The following CXorf38 variants were observed in gnomAD, a reference collection of about 807,000 sequenced individuals.
CXorf38 encodes uncharacterized protein CXorf38.
In CXorf38, 13 loss-of-function variants were observed where a neutral mutation model predicts 27.5. The observed-to-expected ratio is 0.47, with a 90% CI of 0.31 to 0.75. CXorf38 has a LOEUF of 0.75. Ranked by LOEUF, CXorf38 falls within the 30% of genes least tolerant of loss-of-function variation. CXorf38 has a pLI of 0.05. For synonymous variants in CXorf38, 100 were observed against 99.8 expected (o/e 1.00, Z -0.01); for missense variants, 240 against 253.2 (o/e 0.95, Z 0.35).
At chrX:40,632,675 GAAAGTACTAGAA>G (rs1350017630) in intron 5 of CXorf38, among the ~76,000 whole-genome samples, 1 of 111,284 alleles carries the variant, frequency 9.0e-6, no homozygotes, top group African/African-American at 3.3e-5. Flanking sequence ...TGGAAAAACT[GAAAGTACTAGAA>G]AAATTTGGAA....
At chrX:40,633,604 C>T (rs965448844) in intron 5 of CXorf38, among the ~76,000 whole-genome samples, 16 of 111,445 alleles carry the variant, frequency 1.4e-4, no homozygotes, top group African/African-American at 5.2e-4. Context: ...GCCTGGCACA[C>T]AGTAGGTGCT....
chrX:40,635,952 C>A (rs1326545771), intron 5 of CXorf38, among the ~76,000 whole-genome samples: 1 of 112,559 alleles, frequency 8.9e-6, no homozygotes, highest in Non-Finnish European at 1.9e-5. Flanking sequence ...CTGATCCTAT[C>A]TCCCTTTCTT....
intron 2 of CXorf38, among the ~76,000 whole-genome samples, chrX:40,645,101 G>A (rs1396984204): frequency 8.9e-6 from 1 of 112,071 alleles, no homozygotes; most frequent in Non-Finnish European, 1.9e-5. Context: ...GGAGGACAGA[G>A]GGTGCTGGGT....
In CXorf38 at chrX:40,635,210, A is replaced by T. The variant is rs1928012396; in HGVS notation, c.801+1323T>A. Among the ~76,000 whole-genome samples the T allele has an allele frequency of 1.8e-5, 2 of 113,299 alleles. 1 individual carries two copies. Among genetic ancestry groups the T allele is most frequent in the South Asian group, 7.1e-4 (2 of 2,830 alleles). The stretch of plus-strand genomic sequence containing the variant: ...ATAAAATAAAGACAGAGGAACTCAA[A>T]CACATGGATTTAGAAAAGAGAAGAT... On this transcript the variant is annotated intron_variant, in intron 5 of 6. Transcript: ENST00000327877.
At chrX:40,632,317 C>A (rs981758260) in intron 5 of CXorf38, among the ~76,000 whole-genome samples, 5 of 111,682 alleles carry the variant, frequency 4.5e-5, no homozygotes, top group Non-Finnish European at 9.4e-5. Flanking sequence ...TGTGCTGCTA[C>A]CTCCTGACCC....
At position 40,641,084 on chromosome X, in the gene CXorf38, G is replaced by A. The variant is rs751594400; in HGVS notation, c.352-1956C>T. ...AAAAAAAAATTAGTCAGGCATAGTC[G>A]CACACGCCTGTAGTACCAGCTACTT... is the stretch of plus-strand genomic sequence containing the variant. On this transcript the variant is annotated intron_variant, in intron 2 of 6. Coordinates refer to ENST00000327877, the MANE Select transcript of CXorf38 (RefSeq NM_144970.3). 3.1e-4 allele frequency among the ~76,000 whole-genome samples: 34 copies of A among 110,662 alleles called. No homozygotes were observed. The South Asian group carries it at 0.013, about 42-fold the overall frequency.
At chrX:40,644,370 T>C (rs1341581379) in intron 2 of CXorf38, among the ~76,000 whole-genome samples, 1 of 111,525 alleles carries the variant, frequency 9.0e-6, no homozygotes, top group Non-Finnish European at 1.9e-5. Flanking sequence ...TCCTCCTCTG[T>C]AGCAGAAGGA....
chrX:40,635,381 A>T (rs1928021775), intron 5 of CXorf38, among the ~76,000 whole-genome samples: 1 of 113,225 alleles, frequency 8.8e-6, no homozygotes, highest in Non-Finnish European at 1.9e-5. Flanking sequence ...TAATACAGGC[A>T]TAGTTATCTG....
chrX:40,641,408 G>T (rs1045541164), intron 2 of CXorf38, among the ~76,000 whole-genome samples: 1 of 111,468 alleles, frequency 9.0e-6, no homozygotes, highest in Admixed American at 9.5e-5. Context: ...GTTTTTGAGA[G>T]ACAGGGTCTT....
chrX:40,633,587 G>A (rs763949056), intron 5 of CXorf38, among the ~76,000 whole-genome samples: 8 of 111,168 alleles, frequency 7.2e-5, no homozygotes, highest in Middle Eastern at 9.2e-3. Flanking sequence ...CAAGCTTCTA[G>A]AACTGTGCCT....
chrX:40,646,844 G>T (rs2146592291), intron 2 of CXorf38, among the ~76,000 whole-genome samples, 163 bp downstream of exon 2: 1 of 111,405 alleles, frequency 9.0e-6, no homozygotes, highest in South Asian at 3.8e-4. Flanking sequence ...ACTTCACTAA[G>T]CTGGGTTGGG....
rs1294135493 is a variant in CXorf38, at chrX:40,639,093, T to A, written c.387A>T (p.Gly129=). ...GAGCAACTGCATCACATTCCTCAGG[T>A]CCTTGTTTGTCTGCTAGTCCTCGGG... ...FMPRGLADKQ[G]PEECDAVALL... The change falls in exon 3 of 7, where the codon GGA becomes GGT. Residue 129 remains glycine (G), a synonymous_variant. Coordinates refer to ENST00000327877, the MANE Select transcript of CXorf38 (RefSeq NM_144970.3). 1.7e-6 allele frequency: 2 copies of A among 1,211,172 alleles called. No individual in the cohort carries two copies. The highest frequency in any genetic ancestry group is 4.3e-5 in the Admixed American group (2 of 46,046).
In CXorf38 at chrX:40,636,682, G is replaced by C. The variant is rs1428531802; in HGVS notation, c.652C>G (p.Pro218Ala). The C allele has an allele frequency of 4.1e-6, 5 of 1,207,273 alleles. No homozygotes were observed. Among genetic ancestry groups the C allele is most frequent in the African/African-American group, 3.5e-5 (2 of 57,545 alleles). Residue 218 changes from proline (P) to alanine (A), a missense_variant, in exon 5 of 7, where the codon CCC becomes GCC. Coordinates refer to ENST00000327877, the MANE Select transcript of CXorf38 (RefSeq NM_144970.3). ...CACCCATCTCGCTGATCTTCCTCGG[G>C]GATGTGAACAGCCCAGTCAGACGTC... is the stretch of plus-strand genomic sequence containing the variant. ...LLTSDWAVHI[P>A]EEDQRDGCEC...
intron 2 of CXorf38, among the ~76,000 whole-genome samples, chrX:40,644,646 T>C (rs757354806): frequency 8.9e-6 from 1 of 112,521 alleles, no homozygotes; most frequent in Non-Finnish European, 1.9e-5. Flanking sequence ...GTAAGTAATA[T>C]GCAAATACCA....
At chrX:40,634,450 T>C (rs1927971123) in intron 5 of CXorf38, among the ~76,000 whole-genome samples, 1 of 112,372 alleles carries the variant, frequency 8.9e-6, no homozygotes, top group Non-Finnish European at 1.9e-5. Context: ...CATAATATAA[T>C]CACTGTATTT....
At chrX:40,637,202 G>A in intron 3 of CXorf38, 46 bp from the exon 4 acceptor site, 1 of 946,280 alleles carries the variant, frequency 1.1e-6, no homozygotes, top group Non-Finnish European at 1.4e-6. Context: ...CAAACAATGG[G>A]GTAAACTGAG....
At chrX:40,641,609 C>CT (rs750670717) in intron 2 of CXorf38, among the ~76,000 whole-genome samples, 1 of 111,694 alleles carries the variant, frequency 9.0e-6, no homozygotes, top group Non-Finnish European at 1.9e-5. Context: ...CCAGGCTGGT[C>CT]TTAAACTCCT....
chrX:40,645,619 T>C (rs1002711114), intron 2 of CXorf38, among the ~76,000 whole-genome samples: 1 of 110,059 alleles, frequency 9.1e-6, no homozygotes, highest in Non-Finnish European at 1.9e-5. Context: ...GGACCCCTGA[T>C]ACAGTTCAAT....
In CXorf38 at chrX:40,647,470, G is replaced by A; in HGVS notation, c.51C>T (p.Asn17=). The A allele has an allele frequency of 8.4e-7, 1 of 1,191,662 alleles. No individual in the cohort carries two copies. Among genetic ancestry groups the A allele is most frequent in the Non-Finnish European group, 1.1e-6 (1 of 888,286 alleles). ...AARLNCAEYK[N]WVKAGHCLLL... ...ACAGGCAGTGGCCCGCCTTCACCCA[G>A]TTCTTGTACTCGGCGCAGTTGAGGC... The change falls in exon 1 of 7, where the codon AAC becomes AAT. Residue 17 remains asparagine, a synonymous_variant. Transcript: ENST00000327877.
Sources: allele counts gnomAD v4.1 joint callset (sites outside exome capture counted in the v4.1 genomes callset), GRCh38; gene constraint gnomAD v4.1.1; transcripts MANE v1.5; gene names NCBI Gene and HGNC (gene_info 2026-07-23, HGNC 2026-07-21).